The following ZNF416 variants were observed in gnomAD, a reference collection of about 807,000 sequenced individuals.
ZNF416 encodes the protein zinc finger protein 416.
ZNF416 carries 5 observed loss-of-function variants against 10.9 expected under a neutral mutation model. The ratio of observed to expected loss-of-function variants is 0.46; its 90% CI spans 0.24 to 0.97. ZNF416 has a LOEUF of 0.97. Ranked by LOEUF, ZNF416 falls within the 50% of genes least tolerant of loss-of-function variation. ZNF416 has a pLI of 0.19. For synonymous variants in ZNF416, 267 were observed against 251.8 expected, an observed-to-expected ratio of 1.06 and a Z score of -0.57; for missense variants, 675 against 715.0, an observed-to-expected ratio of 0.94 and a Z score of 0.64.
intron 1 of ZNF416, 162 bp downstream of exon 1, chr19:57,578,510 C>T: frequency 2.6e-6 from 2 of 779,782 alleles, no homozygotes; most frequent in South Asian, 2.6e-5. Flanking sequence ...ACACCCTCCA[C>T]AGCCCACGAC....
Position 57,573,617 on chromosome 19 carries a change from G to C in ZNF416, c.287C>G (p.Ala96Gly), listed in dbSNP as rs1978413136. 1 of 1,614,218 alleles carries C rather than the reference G, an allele frequency of 6.2e-7. No individual in the cohort carries two copies. Among genetic ancestry groups the C allele is most frequent in the Non-Finnish European group, 8.5e-7 (1 of 1,180,048 alleles). Reference protein sequence around the residue: ...EGVPQVRTPEASPSTQKIQSC... With the variant: ...EGVPQVRTPEGSPSTQKIQSC... ...TTGAATCTTCTGGGTGGATGGACTG[G>C]CCTCTGGAGTCCTGACCTGAGGTAC... Residue 96 changes from alanine (A) to glycine (G), a missense_variant, in exon 4 of 4, where the codon GCC becomes GGC. By Grantham distance (60) the Ala-to-Gly change is moderately conservative (BLOSUM62 0). Coordinates refer to ENST00000196489, the MANE Select transcript of ZNF416 (RefSeq NM_017879.3).
Position 57,573,461 on chromosome 19 carries a change from G to C in ZNF416, c.443C>G (p.Pro148Arg), listed in dbSNP as rs772718834. 2.2e-5 allele frequency: 35 copies of C among 1,614,064 alleles called. No homozygotes were observed. The highest frequency in any genetic ancestry group is 2.7e-5 in the African/African-American group (2 of 74,930). The change falls in exon 4 of 4, where the codon CCC (proline) becomes CGC (arginine). Residue 148 changes from proline to arginine, a missense_variant. Physicochemically the swap from Pro to Arg is moderately radical, Grantham distance 103. Coordinates refer to ENST00000196489, the MANE Select transcript of ZNF416 (RefSeq NM_017879.3). Reference protein sequence around the residue: ...QDQKHHSAEKPLESDMDKASF... With the variant: ...QDQKHHSAEKRLESDMDKASF... ...GGCCTTGTCCATGTCACTTTCCAAG[G>C]GTTTCTCTGCACTATGATGCTTCTG...
chr19:57,572,503 T>A lies in ZNF416; in HGVS notation c.1401A>T (p.Val467=). The change falls in exon 4 of 4, where the codon GTA becomes GTT. Residue 467 remains valine (V), a synonymous_variant. Transcript: ENST00000196489. This position sits in a 1 kb window ranked among gnomAD's most constrained non-coding sequence, Gnocchi z 4.5. ...TAAAAGCTTTCCCACATTCCCCACA[T>A]ACATAAGGCCTTTCTGCAGTGTGAA... ...HKVHTAERPY[V]CGECGKAFMF... The A allele has an allele frequency of 6.2e-7, 1 of 1,613,650 alleles. No homozygotes were observed. The highest frequency in any genetic ancestry group is 8.5e-7 in the Non-Finnish European group (1 of 1,179,920).
At chr19:57,578,133 C>T (rs200002886) in intron 1 of ZNF416, 35 bp from the exon 2 acceptor site, 40 of 1,613,366 alleles carry the variant, frequency 2.5e-5, no homozygotes, top group Admixed American at 3.3e-5. Context: ...AGGCAGGTAA[C>T]TATGGTGGAA....
Position 57,572,244 on chromosome 19 carries a change from T to C in ZNF416, c.1660A>G (p.Lys554Glu), listed in dbSNP as rs558382099. ...HTGERPYECG[K>E]CGKSFTQHSG... ...TGTTGTGTAAAGGACTTCCCACATT[T>C]GCCACACTCATATGGCCTTTCTCCT... The change falls in exon 4 of 4, where the codon AAA becomes GAA. Residue 554 changes from lysine to glutamate, a missense_variant. Lys to Glu is a moderately conservative substitution (Grantham distance 56). Transcript: ENST00000196489. The surrounding 1 kb of genome is among the most constrained non-coding windows in gnomAD (Gnocchi z 4.5). 1 of 1,614,182 alleles carries C rather than the reference T, an allele frequency of 6.2e-7. No homozygotes were observed. The highest frequency in any genetic ancestry group is 2.2e-5 in the East Asian group (1 of 44,872).
Position 57,573,543 on chromosome 19 carries a change from C to T in ZNF416, c.361G>A (p.Asp121Asn), listed in dbSNP as rs112485279. 3,042 of 1,614,190 alleles carry T rather than the reference C, an allele frequency of 1.9e-3. 51 individuals are homozygous for T. The African/African-American group carries it at 0.031, about 16-fold the overall frequency. The change falls in exon 4 of 4, where the codon GAT (aspartate) becomes AAT (asparagine). Residue 121 changes from aspartate (D) to asparagine (N), a missense_variant. Transcript: ENST00000196489. Reference protein sequence around the residue: ...PFLTDILHLTDLPGQELYLTG... With the variant: ...PFLTDILHLTNLPGQELYLTG... ...AAGTATAGTTCCTGCCCAGGCAAAT[C>T]GGTCAGGTGCAAAATGTCGGTCAGG...
At position 57,572,969 on chromosome 19, in the gene ZNF416, G is replaced by A; in HGVS notation, c.935C>T (p.Thr312Ile). ...GTGAACTCTGTGATGTTTAATGAGGGTGGCTCTTTGGCTAAATGATTTCCC... is the reference window on the plus strand; with the variant it reads ...GTGAACTCTGTGATGTTTAATGAGGATGGCTCTTTGGCTAAATGATTTCCC... ...QCGKSFSQRATLIKHHRVHTG... is the reference protein window; with the variant it reads ...QCGKSFSQRAILIKHHRVHTG... Residue 312 changes from threonine (T) to isoleucine (I), a missense_variant, in exon 4 of 4, where the codon ACC (threonine) becomes ATC (isoleucine). Thr to Ile is a moderately conservative substitution (Grantham distance 89). Transcript: ENST00000196489. This position sits in a 1 kb window ranked among gnomAD's most constrained non-coding sequence, Gnocchi z 4.5. 1 of 1,613,602 alleles carries A rather than the reference G, an allele frequency of 6.2e-7. No homozygotes were observed. Among genetic ancestry groups the A allele is most frequent in the Admixed American group, 1.7e-5 (1 of 59,992 alleles).
chr19:57,572,415 T>G lies in ZNF416; in HGVS notation c.1489A>C (p.Ser497Arg), dbSNP rs2090198856. 1.7e-5 allele frequency: 28 copies of G among 1,614,164 alleles called. No homozygotes were observed. Among genetic ancestry groups the G allele is most frequent in the Non-Finnish European group, 2.4e-5 (28 of 1,180,010 alleles). The change falls in exon 4 of 4, where the codon AGT becomes CGT. Residue 497 changes from serine (S) to arginine (R), a missense_variant. By Grantham distance (110) the Ser-to-Arg change is moderately radical. Coordinates refer to ENST00000196489, the MANE Select transcript of ZNF416 (RefSeq NM_017879.3). The surrounding 1 kb of genome is among the most constrained non-coding windows in gnomAD (Gnocchi z 4.5). The stretch of plus-strand genomic sequence containing the variant: ...TGTCTAAAAAATTTCCCACATTCAC[T>G]GCACTCAAAAGGCCTTTCTCCAGTG... ...THTGERPFECSECGKFFRQSY... is the reference protein window; with the variant it reads ...THTGERPFECRECGKFFRQSY...
At chr19:57,577,090 C>G (rs1018356164) in intron 2 of ZNF416, among the ~76,000 whole-genome samples, 2 of 152,080 alleles carry the variant, frequency 1.3e-5, no homozygotes, top group African/African-American at 2.4e-5. Context: ...ATTCCACCTC[C>G]TAATTGTGTC....
rs374221595 is a variant in ZNF416, at chr19:57,578,722, G to C, written c.-18C>G. The C allele has an allele frequency of 6.7e-7, 1 of 1,487,634 alleles. No individual in the cohort carries two copies. Among genetic ancestry groups the C allele is most frequent in the Non-Finnish European group, 9.0e-7 (1 of 1,115,462 alleles). The allele number at this position is 1,487,634 out of a possible 1,614,324, so 92.2% of individuals were successfully genotyped here. On this transcript the variant is annotated 5_prime_UTR_variant, in exon 1 of 4. Coordinates refer to ENST00000196489, the MANE Select transcript of ZNF416 (RefSeq NM_017879.3). ...GCCGCCATCGGATTGTGAGCGGAGC[G>C]GGGCCGGGAGCGGCGGGCGACCCGG...
rs530485025 is a variant in ZNF416, at chr19:57,578,799, G to A, written c.-95C>T. ...CAGCGCCAGCGACCCACCGGCTGAT[G>A]CGCAGCGGGGCGACCCCCGCTCTGT... On this transcript the variant is annotated 5_prime_UTR_variant, in exon 1 of 4. Coordinates refer to ENST00000196489, the MANE Select transcript of ZNF416 (RefSeq NM_017879.3). The A allele has an allele frequency of 3.2e-5, 40 of 1,245,662 alleles. No homozygotes were observed. The African/African-American group carries it at 5.8e-4, about 18-fold the overall frequency. 77.2% of individuals were successfully genotyped at this position (1,245,662 alleles called of 1,614,324 possible).
chr19:57,578,730 G>T lies in ZNF416; in HGVS notation c.-26C>A. 1 of 1,466,546 alleles carries T rather than the reference G, an allele frequency of 6.8e-7. No individual in the cohort carries two copies. Among genetic ancestry groups the T allele is most frequent in the Non-Finnish European group, 9.1e-7 (1 of 1,104,634 alleles). 90.8% of individuals were successfully genotyped at this position (1,466,546 alleles called of 1,614,324 possible). On this transcript the variant is annotated 5_prime_UTR_variant, in exon 1 of 4. Transcript: ENST00000196489. The stretch of plus-strand genomic sequence containing the variant: ...CGGATTGTGAGCGGAGCGGGGCCGG[G>T]AGCGGCGGGCGACCCGGGGCGGGAA...
rs1321572016 is a variant in ZNF416 at position 57,572,067 on chromosome 19, T to C, written c.*52A>G. 9.6e-6 allele frequency: 15 copies of C among 1,566,032 alleles called. No individual in the cohort carries two copies. In the East Asian group the frequency reaches 2.0e-4, roughly 21 times the overall value. Reference sequence around the variant, plus strand: ...ATAGCCATAACACTGAAGAAAGACATGGCACATTCCCTGCAGGTCTAAGGC... The same window carrying C: ...ATAGCCATAACACTGAAGAAAGACACGGCACATTCCCTGCAGGTCTAAGGC... On this transcript the variant is annotated 3_prime_UTR_variant, in exon 4 of 4. Coordinates refer to ENST00000196489, the MANE Select transcript of ZNF416 (RefSeq NM_017879.3). The surrounding 1 kb of genome is among the most constrained non-coding windows in gnomAD (Gnocchi z 4.5).
rs142385856 is a variant in ZNF416, at chr19:57,572,483, G to C, written c.1421C>G (p.Ala474Gly). Reference protein sequence around the residue: ...RPYVCGECGKAFMFKSKLVRH... With the variant: ...RPYVCGECGKGFMFKSKLVRH... The stretch of plus-strand genomic sequence containing the variant: ...AACAAGTTTAGATTTGAACATAAAA[G>C]CTTTCCCACATTCCCCACATACATA... Residue 474 changes from alanine to glycine, a missense_variant, in exon 4 of 4, where the codon GCT becomes GGT. Ala to Gly is a moderately conservative substitution (Grantham distance 60, BLOSUM62 0). Coordinates refer to ENST00000196489, the MANE Select transcript of ZNF416 (RefSeq NM_017879.3). This position sits in a 1 kb window ranked among gnomAD's most constrained non-coding sequence, Gnocchi z 4.5. 53 of 1,613,952 alleles carry C rather than the reference G, an allele frequency of 3.3e-5. No individual in the cohort carries two copies. The highest frequency in any genetic ancestry group is 4.1e-5 in the Non-Finnish European group (48 of 1,180,026).
In ZNF416 at chr19:57,573,594, G is replaced by T. The variant is rs747971810; in HGVS notation, c.310C>A (p.Gln104Lys). 23 of 1,614,098 alleles carry T rather than the reference G, an allele frequency of 1.4e-5. No homozygotes were observed. The African/African-American group carries it at 2.8e-4, about 20-fold the overall frequency. The change falls in exon 4 of 4, where the codon CAA becomes AAA. Residue 104 changes from glutamine (Q) to lysine (K), a missense_variant. Coordinates refer to ENST00000196489, the MANE Select transcript of ZNF416 (RefSeq NM_017879.3). Reference protein sequence around the residue: ...PEASPSTQKIQSCDMCVPFLT... With the variant: ...PEASPSTQKIKSCDMCVPFLT... ...AATGGGACACACATGTCACAGGATT[G>T]AATCTTCTGGGTGGATGGACTGGCC... is the stretch of plus-strand genomic sequence containing the variant.
chr19:57,575,430 T>G lies in ZNF416; in HGVS notation c.202+374A>C, dbSNP rs1209315389. 6.6e-6 allele frequency among the ~76,000 whole-genome samples: 1 copy of G among 152,170 alleles called. No homozygotes were observed. The highest frequency in any genetic ancestry group is 1.5e-5 in the Non-Finnish European group (1 of 68,020). On this transcript the variant is annotated intron_variant, in intron 3 of 3. Coordinates refer to ENST00000196489, the MANE Select transcript of ZNF416 (RefSeq NM_017879.3). This position sits in a 1 kb window ranked among gnomAD's most constrained non-coding sequence, Gnocchi z 4.4. The stretch of plus-strand genomic sequence containing the variant: ...AGGTTCTGGCAACCACAGCTCATGG[T>G]CCATGTAAATACTGATGAGGAAAAT...
At position 57,572,141 on chromosome 19, in the gene ZNF416, C is replaced by A. The variant is rs778243762; in HGVS notation, c.1763G>T (p.Ser588Ile). 8 of 1,612,908 alleles carry A rather than the reference C, an allele frequency of 5.0e-6. No individual in the cohort carries two copies. Among genetic ancestry groups the A allele is most frequent in the African/African-American group, 1.3e-5 (1 of 74,922 alleles). Reference sequence around the variant, plus strand: ...GAGTTAAACAATGTTAGATCTTGGGCTGTAGGGTTTTCCACATTTGCTGCT... The same window carrying A: ...GAGTTAAACAATGTTAGATCTTGGGATGTAGGGTTTTCCACATTTGCTGCT... The part of the protein sequence containing the change: ...RDSSKCGKPY[S>I]PRSNIV Residue 588 changes from serine to isoleucine, a missense_variant, in exon 4 of 4, where the codon AGC becomes ATC. Coordinates refer to ENST00000196489, the MANE Select transcript of ZNF416 (RefSeq NM_017879.3). The surrounding 1 kb of genome is among the most constrained non-coding windows in gnomAD (Gnocchi z 4.5).
intron 3 of ZNF416, among the ~76,000 whole-genome samples, chr19:57,574,917 A>AC (rs1483508446): frequency 2.0e-5 from 3 of 152,188 alleles, no homozygotes; most frequent in African/African-American, 7.2e-5. Flanking sequence ...TGCACAACTC[A>AC]CAACATATCG....
rs750524836 is a variant in ZNF416 at position 57,572,392 on chromosome 19, T to G, written c.1512A>C (p.Arg504Ser). 1 of 1,614,198 alleles carries G rather than the reference T, an allele frequency of 6.2e-7. No homozygotes were observed. The highest frequency in any genetic ancestry group is 8.5e-7 in the Non-Finnish European group (1 of 1,180,024). Reference sequence around the variant, plus strand: ...GGTGTTCAACGAGGGTATAGCTTTGTCTAAAAAATTTCCCACATTCACTGC... The same window carrying G: ...GGTGTTCAACGAGGGTATAGCTTTGGCTAAAAAATTTCCCACATTCACTGC... ...FECSECGKFF[R>S]QSYTLVEHQK... is the part of the protein sequence containing the mutation. The change falls in exon 4 of 4, where the codon AGA becomes AGC. Residue 504 changes from arginine to serine, a missense_variant. By Grantham distance (110) the Arg-to-Ser change is moderately radical. Coordinates refer to ENST00000196489, the MANE Select transcript of ZNF416 (RefSeq NM_017879.3). The surrounding 1 kb of genome is among the most constrained non-coding windows in gnomAD (Gnocchi z 4.5).
Sources: allele counts gnomAD v4.1 joint callset (sites outside exome capture counted in the v4.1 genomes callset), GRCh38; gene constraint gnomAD v4.1.1; non-coding constraint Gnocchi (gnomAD v3.1); transcripts MANE v1.5; gene names NCBI Gene and HGNC (gene_info 2026-07-23, HGNC 2026-07-21).